TNRC18: variants seen among roughly 807,000 people sequenced by gnomAD.
TNRC18 encodes trinucleotide repeat-containing gene 18 protein.
A neutral mutation model predicts 226.7 loss-of-function variants in TNRC18; 69 were observed. The observed-to-expected ratio is 0.30, with a 90% CI of 0.25 to 0.37. TNRC18 has a LOEUF of 0.37. Among genes scored for constraint, TNRC18 ranks in the 10% least tolerant of loss-of-function variants. The probability of loss-of-function intolerance (pLI) is 1.00; values close to 1 mark genes in which losing one functional copy is unlikely to be tolerated. For synonymous variants in TNRC18, 2,449 were observed against 1,927.6 expected (o/e 1.27, Z -7.09); for missense variants, 4,754 against 4,256.6 (o/e 1.12, Z -3.25).
intron 24 of TNRC18, 98 bp downstream of exon 24, chr7:5,320,220 C>A: frequency 2.1e-6 from 2 of 933,448 alleles, no homozygotes; most frequent in South Asian, 2.9e-5. Flanking sequence ...GCCCACAAGT[C>A]TTTATTCTTA....
intron 19 of TNRC18, among the ~76,000 whole-genome samples, chr7:5,332,420 A>G (rs1171703028): frequency 1.3e-5 from 2 of 152,184 alleles, no homozygotes; most frequent in Non-Finnish European, 2.9e-5. Flanking sequence ...TGACAGAGCA[A>G]GAGTTGACTC....
At chr7:5,315,432 T>G (rs113133924) in intron 25 of TNRC18, among the ~76,000 whole-genome samples, 10,904 of 151,572 alleles carry the variant, frequency 0.072, 939 homozygotes, top group African/African-American at 0.19. Context: ...TTTTTTTTTT[T>G]TTTTTTTTTT....
intron 11 of TNRC18, among the ~76,000 whole-genome samples, chr7:5,363,517 T>C (rs577357875): frequency 4.3e-4 from 65 of 152,042 alleles, no homozygotes; most frequent in African/African-American, 1.6e-3. Context: ...AGCAGGAGAA[T>C]GGCGAGAACC....
chr7:5,382,483 C>T (rs182787565), intron 5 of TNRC18, among the ~76,000 whole-genome samples: 112 of 152,320 alleles, frequency 7.4e-4, no homozygotes, highest in Admixed American at 2.0e-3. Flanking sequence ...CCCATGGCAA[C>T]CCCTTCCTGG....
chr7:5,387,540 C>G (rs1480744507), intron 5 of TNRC18, 132 bp downstream of exon 5: 1 of 1,321,860 alleles, frequency 7.6e-7, no homozygotes, highest in Non-Finnish European at 1.0e-6. Flanking sequence ...ACAGAACATT[C>G]AAGACCATTT....
At chr7:5,400,641 T>A (rs142609918) in intron 2 of TNRC18, among the ~76,000 whole-genome samples, 1 of 152,228 alleles carries the variant, frequency 6.6e-6, no homozygotes, top group East Asian at 1.9e-4. Context: ...TTTGAAACCA[T>A]AGATAGCTGG....
At chr7:5,341,837 A>G (rs1341271167) in intron 18 of TNRC18, among the ~76,000 whole-genome samples, 9 of 151,998 alleles carry the variant, frequency 5.9e-5, no homozygotes, top group Admixed American at 5.9e-4. Flanking sequence ...GATTTACTGA[A>G]TATTTTAAGC....
chr7:5,394,659 ACCGCCCCGACCCACCGCCCCGAGACCG>A lies in TNRC18; in HGVS notation c.188-91_188-65del. On this transcript the variant is annotated intron_variant, in intron 2 of 29. Transcript: ENST00000430969. This position sits in a 1 kb window ranked among gnomAD's most constrained non-coding sequence, Gnocchi z 4.5. The stretch of plus-strand genomic sequence containing the variant: ...CAGGGAGGCGCCGCCGCCCCAGCCC[ACCGCCCCGACCCACCGCCCCGAGACCG>A]CCGCCTCTCCCCAGCTGTGTGGAGC... 1 of 1,082,796 alleles carries A rather than the reference ACCGCCCCGACCCACCGCCCCGAGACCG, an allele frequency of 9.2e-7. No homozygotes were observed. The highest frequency in any genetic ancestry group is 1.2e-6 in the Non-Finnish European group (1 of 824,972). 67.1% of individuals were successfully genotyped at this position (1,082,796 alleles called of 1,614,324 possible).
chr7:5,358,501 C>T (rs1270101054), intron 15 of TNRC18, among the ~76,000 whole-genome samples: 1 of 152,142 alleles, frequency 6.6e-6, no homozygotes, highest in Non-Finnish European at 1.5e-5. Context: ...TGAGCCTGCC[C>T]CTCTCAGCCA....
At chr7:5,398,164 CA>C (rs146819396) in intron 2 of TNRC18, among the ~76,000 whole-genome samples, 64 of 139,952 alleles carry the variant, frequency 4.6e-4, no homozygotes, top group African/African-American at 5.1e-4. Context: ...TCAGGCCCAG[CA>C]AAAAAAAATT....
At chr7:5,406,632 C>T (rs926517469) in intron 2 of TNRC18, among the ~76,000 whole-genome samples, 5 of 151,878 alleles carry the variant, frequency 3.3e-5, no homozygotes, top group African/African-American at 1.2e-4. Flanking sequence ...GGGCGGATCA[C>T]CTGAAGTCAG....
chr7:5,370,878 C>T lies in TNRC18; in HGVS notation c.3716G>A (p.Cys1239Tyr), dbSNP rs757503737. 1 of 1,607,762 alleles carries T rather than the reference C, an allele frequency of 6.2e-7. No homozygotes were observed. Residue 1239 changes from cysteine (C) to tyrosine (Y), a missense_variant, in exon 11 of 30, where the codon TGC (cysteine) becomes TAC (tyrosine). Cys to Tyr is a radical substitution (Grantham distance 194). Transcript: ENST00000430969. ...RVDSPGRTEP[C>Y]TAALDLGVQL... is the part of the protein sequence containing the mutation. ...CACCCCCAGGTCCAGGGCGGCGGTG[C>T]AGGGTTCTGTCCGGCCCGGGGAATC... is the stretch of plus-strand genomic sequence containing the variant.
intron 26 of TNRC18, 130 bp downstream of exon 26, chr7:5,314,854 T>G: frequency 9.8e-7 from 1 of 1,016,598 alleles, no homozygotes; most frequent in South Asian, 1.7e-5. Context: ...ATTACAGGTG[T>G]GAGGCACTGC....
At chr7:5,330,413 GTTT>G (rs577873847) in intron 19 of TNRC18, among the ~76,000 whole-genome samples, 1 of 139,946 alleles carries the variant, frequency 7.1e-6, no homozygotes. Context: ...TTTTTTTGTT[GTTT>G]TTTTTTTTTG....
intron 2 of TNRC18, among the ~76,000 whole-genome samples, chr7:5,415,105 C>CA (rs1782093004): frequency 6.6e-6 from 1 of 152,158 alleles, no homozygotes; most frequent in African/African-American, 2.4e-5. Context: ...TCCAAGACCT[C>CA]ATGACTGGCT....
rs577364176 is a variant in TNRC18 at position 5,340,996 on chromosome 7, C to T, written c.5719+4566G>A. 7.2e-5 allele frequency among the ~76,000 whole-genome samples: 11 copies of T among 152,210 alleles called. No individual in the cohort carries two copies. In the East Asian group the frequency reaches 1.4e-3, roughly 19 times the overall value. ...GGTTTAAAAGCTTCAAAGGACAGCC[C>T]GACTTTTGCTGGGGGCTAATGCAGC... On this transcript the variant is annotated intron_variant, in intron 18 of 29. Coordinates refer to ENST00000430969, the MANE Select transcript of TNRC18 (RefSeq NM_001080495.3).
chr7:5,372,204 A>C (rs1794220438), intron 10 of TNRC18, among the ~76,000 whole-genome samples: 1 of 151,314 alleles, frequency 6.6e-6, no homozygotes, highest in Non-Finnish European at 1.5e-5. Context: ...AGTAGCTGGG[A>C]CGACAGGCGC....
chr7:5,402,309 A>C (rs558553675), intron 2 of TNRC18, among the ~76,000 whole-genome samples: 52 of 151,924 alleles, frequency 3.4e-4, no homozygotes, highest in African/African-American at 1.2e-3. Context: ...CAAGGCAGGC[A>C]GATCACTTGA....
intron 18 of TNRC18, 46 bp downstream of exon 18, chr7:5,345,516 C>CGGGGGGGGGGGG: frequency 1.5e-4 from 54 of 354,340 alleles, no homozygotes; most frequent in East Asian, 1.9e-4. Context: ...CAATGGCGTC[C>CGGGGGGGGGGGG]GCCCCTCCCA....
Sources: allele counts gnomAD v4.1 joint callset (sites outside exome capture counted in the v4.1 genomes callset), GRCh38; gene constraint gnomAD v4.1.1; non-coding constraint Gnocchi (gnomAD v3.1); transcripts MANE v1.5; gene names NCBI Gene and HGNC (gene_info 2026-07-23, HGNC 2026-07-21).